ROBO1: variants seen among roughly 807,000 people sequenced by gnomAD.
ROBO1 encodes roundabout homolog 1.
ROBO1 carries 149 observed loss-of-function variants against 195.9 expected under a neutral mutation model. The ratio of observed to expected loss-of-function variants is 0.76; its 90% CI spans 0.67 to 0.87. The LOEUF (loss-of-function observed/expected upper bound fraction) is 0.87, where lower values mean the gene tolerates loss of function less well. ROBO1 is among the 40% of genes least tolerant of loss of function. ROBO1 has a pLI of 0.00. For synonymous variants in ROBO1, 816 were observed against 733.2 expected (o/e 1.11, Z -1.82); for missense variants, 1,933 against 2,068.3 (o/e 0.93, Z 1.27).
chr3:79,762,897 A>G (rs1448071032), intron 1 of ROBO1, among the ~76,000 whole-genome samples: 2 of 152,156 alleles, frequency 1.3e-5, no homozygotes, highest in Non-Finnish European at 2.9e-5. Flanking sequence ...GAAGTTCAAG[A>G]GAAAAATCAT....
chr3:78,980,918 A>G (rs953312459), intron 3 of ROBO1, among the ~76,000 whole-genome samples: 8 of 152,216 alleles, frequency 5.3e-5, no homozygotes, highest in Non-Finnish European at 7.3e-5. Context: ...TTTAAACTAT[A>G]AACTACTACC....
At chr3:79,747,989 C>G (rs1703947694) in intron 1 of ROBO1, among the ~76,000 whole-genome samples, 1 of 151,806 alleles carries the variant, frequency 6.6e-6, no homozygotes, top group Admixed American at 6.6e-5. Context: ...CTAATATTTT[C>G]TTTTTTACTT....
chr3:79,234,634 T>C (rs1025681729), intron 2 of ROBO1, among the ~76,000 whole-genome samples: 1 of 152,170 alleles, frequency 6.6e-6, no homozygotes, highest in Non-Finnish European at 1.5e-5. Context: ...TGGAATACTA[T>C]GCAGCCATAA....
At chr3:79,478,778 G>A (rs1232998540) in intron 2 of ROBO1, among the ~76,000 whole-genome samples, 14 of 152,158 alleles carry the variant, frequency 9.2e-5, no homozygotes, top group African/African-American at 3.4e-4. Context: ...CTCCCAGGAA[G>A]CTTTGCTTAG....
intron 1 of ROBO1, among the ~76,000 whole-genome samples, chr3:79,757,880 G>A (rs930333144): frequency 2.6e-5 from 4 of 152,090 alleles, no homozygotes; most frequent in African/African-American, 9.7e-5. Context: ...TTCCATCTCA[G>A]GAAAAGAAGT....
intron 2 of ROBO1, among the ~76,000 whole-genome samples, chr3:79,349,320 A>G (rs534532456): frequency 1.1e-3 from 168 of 152,326 alleles, no homozygotes; most frequent in African/African-American, 3.8e-3. Context: ...CACTTTTAAT[A>G]AATAGGAAAA....
chr3:78,639,638 T>C (rs1046113164), intron 22 of ROBO1, 106 bp downstream of exon 22: 11 of 1,142,722 alleles, frequency 9.6e-6, no homozygotes, highest in African/African-American at 7.7e-5. Context: ...TTGGATAAAA[T>C]ACGGGTCAAA....
At chr3:79,152,006 G>A (rs1401812497) in intron 2 of ROBO1, among the ~76,000 whole-genome samples, 13 of 151,556 alleles carry the variant, frequency 8.6e-5, no homozygotes, top group Non-Finnish European at 3.0e-5. Flanking sequence ...CTGAACTCAC[G>A]TTGTACATTT....
At chr3:79,467,469 A>G (rs188985848) in intron 2 of ROBO1, among the ~76,000 whole-genome samples, 9 of 151,456 alleles carry the variant, frequency 5.9e-5, no homozygotes, top group African/African-American at 1.5e-4. Context: ...ACGAGCAGAC[A>G]AGCAGAAGAG....
intron 2 of ROBO1, among the ~76,000 whole-genome samples, chr3:79,478,811 G>A (rs1938678100): frequency 6.6e-6 from 1 of 152,122 alleles, no homozygotes; most frequent in Admixed American, 6.6e-5. Flanking sequence ...GGCTTTCTCT[G>A]ACCCATGCGT....
At chr3:79,492,962 G>A (rs966479654) in intron 2 of ROBO1, among the ~76,000 whole-genome samples, 10 of 151,998 alleles carry the variant, frequency 6.6e-5, no homozygotes, top group Non-Finnish European at 1.3e-4. Flanking sequence ...AGTCAACACT[G>A]TATTACTTTT....
intron 29 of ROBO1, among the ~76,000 whole-genome samples, chr3:78,606,284 C>T (rs1378660452): frequency 1.3e-5 from 2 of 152,152 alleles, no homozygotes; most frequent in African/African-American, 4.8e-5. Context: ...GCCATCCTCC[C>T]ATCTCAGCCT....
At chr3:78,824,192 T>C (rs554873255) in intron 4 of ROBO1, among the ~76,000 whole-genome samples, 10 of 152,280 alleles carry the variant, frequency 6.6e-5, no homozygotes, top group Admixed American at 1.3e-4. Context: ...TTTCCAATTC[T>C]TACATTAGTC....
chr3:79,070,057 T>C (rs1311963718), intron 3 of ROBO1, among the ~76,000 whole-genome samples: 1 of 151,782 alleles, frequency 6.6e-6, no homozygotes, highest in African/African-American at 2.4e-5. Flanking sequence ...CTTATTTCTG[T>C]TTATTTATTG....
chr3:79,509,374 A>G (rs887740433), intron 2 of ROBO1, among the ~76,000 whole-genome samples: 8 of 152,110 alleles, frequency 5.3e-5, no homozygotes, highest in African/African-American at 1.9e-4. Flanking sequence ...TAAAATGTTT[A>G]CCTCAAACTT....
chr3:79,767,502 C>T (rs1417072691), intron 1 of ROBO1, among the ~76,000 whole-genome samples: 7 of 152,324 alleles, frequency 4.6e-5, no homozygotes, highest in South Asian at 2.1e-4. Flanking sequence ...AAGAAACAAA[C>T]ATCGCATCCC....
intron 4 of ROBO1, among the ~76,000 whole-genome samples, chr3:78,776,010 C>A (rs1420742259): frequency 6.6e-6 from 1 of 152,108 alleles, no homozygotes; most frequent in Non-Finnish European, 1.5e-5. Flanking sequence ...ATAAAGCATG[C>A]CTATGGGTTC....
intron 1 of ROBO1, among the ~76,000 whole-genome samples, chr3:79,611,509 T>C (rs1944656373): frequency 6.6e-6 from 1 of 152,032 alleles, no homozygotes; most frequent in Non-Finnish European, 1.5e-5. Context: ...AATGATAGAC[T>C]GGATAAAGAA....
At chr3:78,732,066 T>C (rs1285164305) in intron 5 of ROBO1, among the ~76,000 whole-genome samples, 4 of 152,088 alleles carry the variant, frequency 2.6e-5, no homozygotes, top group African/African-American at 9.7e-5. Flanking sequence ...GATTAGAAAA[T>C]TAAGGCTCTG....
Sources: gnomAD v4.1 joint callset for allele counts (sites outside exome capture counted in the v4.1 genomes callset) on GRCh38, gnomAD v4.1.1 for gene constraint, MANE v1.5 for transcripts, NCBI Gene and HGNC (gene_info 2026-07-23, HGNC 2026-07-21) for gene names.